The following DSCAM variants were observed in gnomAD, a reference collection of about 807,000 sequenced individuals.
DSCAM encodes DS cell adhesion molecule.
In DSCAM, 47 loss-of-function variants were observed where a neutral mutation model predicts 217.7. That is an observed-to-expected ratio of 0.22 (90% CI 0.17 to 0.28). The LOEUF (loss-of-function observed/expected upper bound fraction) is 0.28, where lower values mean the gene tolerates loss of function less well. Among genes scored for constraint, DSCAM ranks in the 10% least tolerant of loss-of-function variants. The pLI, the probability that DSCAM is intolerant of heterozygous loss-of-function variation, is 1.00. For synonymous variants in DSCAM, 1,056 were observed against 1,015.3 expected (o/e 1.04, Z -0.76); for missense variants, 2,080 against 2,618.3 (o/e 0.79, Z 4.49).
At chr21:40,410,772 T>C (rs541654868) in intron 3 of DSCAM, among the ~76,000 whole-genome samples, 1 of 127,296 alleles carries the variant, frequency 7.9e-6, no homozygotes, top group African/African-American at 2.6e-5. Context: ...AAAAAAAAAA[T>C]TCAAAAAAGT....
intron 27 of DSCAM, among the ~76,000 whole-genome samples, chr21:40,066,113 C>T (rs1030773896): frequency 6.6e-6 from 1 of 152,242 alleles, no homozygotes; most frequent in Non-Finnish European, 1.5e-5. Flanking sequence ...CTTCGGTTCC[C>T]TCCGCTTCCC....
intron 3 of DSCAM, among the ~76,000 whole-genome samples, chr21:40,610,377 A>C (rs1342641565): frequency 6.6e-6 from 1 of 152,214 alleles, no homozygotes; most frequent in African/African-American, 2.4e-5. Flanking sequence ...TAGAGAAATA[A>C]GGCAAACCAA....
intron 1 of DSCAM, among the ~76,000 whole-genome samples, chr21:40,727,413 A>G (rs1240899005): frequency 6.6e-6 from 1 of 152,198 alleles, no homozygotes; most frequent in East Asian, 1.9e-4. Context: ...AATAAGAGTC[A>G]CATAAGGTAT....
At chr21:40,117,511 T>G (rs1465321176) in intron 20 of DSCAM, among the ~76,000 whole-genome samples, 1 of 152,216 alleles carries the variant, frequency 6.6e-6, no homozygotes, top group Non-Finnish European at 1.5e-5. Context: ...TCAGTATCAC[T>G]GAGTGAAGAT....
At chr21:40,812,664 T>C (rs2091848873) in intron 1 of DSCAM, among the ~76,000 whole-genome samples, 1 of 152,304 alleles carries the variant, frequency 6.6e-6, no homozygotes, top group Middle Eastern at 3.4e-3. Context: ...ATTGAACATA[T>C]AGGTCTGAAG....
chr21:40,527,065 G>A (rs1055814414), intron 3 of DSCAM, among the ~76,000 whole-genome samples: 3 of 152,094 alleles, frequency 2.0e-5, no homozygotes, highest in Non-Finnish European at 4.4e-5. Flanking sequence ...TCTGGCCTCT[G>A]TGTCTCTTTA....
At chr21:40,783,915 A>G (rs941096466) in intron 1 of DSCAM, among the ~76,000 whole-genome samples, 3 of 152,142 alleles carry the variant, frequency 2.0e-5, no homozygotes, top group Admixed American at 1.3e-4. Context: ...AGACCTTTAA[A>G]AAATTGGAAA....
At chr21:40,249,399 A>T (rs2073271815) in intron 11 of DSCAM, among the ~76,000 whole-genome samples, 1 of 151,814 alleles carries the variant, frequency 6.6e-6, no homozygotes, top group Non-Finnish European at 1.5e-5. Flanking sequence ...CATCCTTCTC[A>T]TTTTCTCTTG....
At chr21:40,459,871 T>C (rs751443492) in intron 3 of DSCAM, among the ~76,000 whole-genome samples, 7 of 152,030 alleles carry the variant, frequency 4.6e-5, no homozygotes, top group Non-Finnish European at 7.4e-5. Context: ...GAATCAAGTA[T>C]GGATAAATGG....
chr21:40,391,065 A>G (rs1048201178), intron 3 of DSCAM, among the ~76,000 whole-genome samples: 2 of 152,092 alleles, frequency 1.3e-5, no homozygotes, highest in East Asian at 1.9e-4. Context: ...TTCAAGGTAT[A>G]TAACATTTCA....
At chr21:40,244,442 C>T (rs1394413557) in intron 11 of DSCAM, among the ~76,000 whole-genome samples, 1 of 147,500 alleles carries the variant, frequency 6.8e-6, no homozygotes, top group African/African-American at 2.5e-5. Flanking sequence ...CAGAATGAGA[C>T]TCCGTCTCCG....
chr21:40,747,709 C>T (rs537959621), intron 1 of DSCAM, among the ~76,000 whole-genome samples: 3 of 151,970 alleles, frequency 2.0e-5, no homozygotes, highest in Non-Finnish European at 4.4e-5. Flanking sequence ...CACTTCCAAA[C>T]TCATTCTATG....
intron 8 of DSCAM, among the ~76,000 whole-genome samples, chr21:40,324,516 C>G (rs1330334978): frequency 6.6e-6 from 1 of 152,108 alleles, no homozygotes; most frequent in Non-Finnish European, 1.5e-5. Flanking sequence ...CCATTTGAGT[C>G]TTCAATCATA....
At chr21:40,032,148 G>GC (rs1412209545) in intron 32 of DSCAM, among the ~76,000 whole-genome samples, 2 of 152,192 alleles carry the variant, frequency 1.3e-5, no homozygotes, top group African/African-American at 4.8e-5. Context: ...CAAGCCCCCA[G>GC]CTAGGGTTCT....
chr21:40,491,869 C>A (rs772191801), intron 3 of DSCAM, among the ~76,000 whole-genome samples: 11 of 152,196 alleles, frequency 7.2e-5, no homozygotes, highest in Non-Finnish European at 1.6e-4. Context: ...TGACTATTGC[C>A]AACCCCTATG....
chr21:40,283,502 G>A (rs2073789496), intron 10 of DSCAM, among the ~76,000 whole-genome samples: 1 of 152,204 alleles, frequency 6.6e-6, no homozygotes, highest in Non-Finnish European at 1.5e-5. Flanking sequence ...AGAGTATGGG[G>A]ACAGTGGAAA....
chr21:40,144,416 T>C lies in DSCAM; in HGVS notation c.3259+75A>G. ...GTCGTGGGGCGGGGGAGTGCGAGGT[T>C]GGGGGAGCCCCGGGGCAGACCCGAG... On this transcript the variant is annotated intron_variant, in intron 17 of 32. Coordinates refer to ENST00000400454, the MANE Select transcript of DSCAM (RefSeq NM_001389.5). The surrounding 1 kb of genome is among the most constrained non-coding windows in gnomAD (Gnocchi z 4.8). The C allele has an allele frequency of 2.5e-6, 4 of 1,582,968 alleles. No homozygotes were observed. The highest frequency in any genetic ancestry group is 3.4e-6 in the Non-Finnish European group (4 of 1,162,742).
At chr21:40,107,969 T>C (rs2146626740) in intron 20 of DSCAM, among the ~76,000 whole-genome samples, 1 of 152,302 alleles carries the variant, frequency 6.6e-6, no homozygotes, top group Non-Finnish European at 1.5e-5. Flanking sequence ...CATCCATTCA[T>C]GTTAAAAACT....
rs760768140 is a variant in DSCAM at position 40,353,740 on chromosome 21, G to C, written c.659C>G (p.Pro220Arg). 45 of 1,540,410 alleles carry C rather than the reference G, an allele frequency of 2.9e-5. No individual in the cohort carries two copies. The highest frequency in any genetic ancestry group is 3.8e-5 in the Non-Finnish European group (44 of 1,151,652). The change falls in exon 5 of 33, where the codon CCA becomes CGA. Residue 220 changes from proline to arginine, a missense_variant. Pro to Arg is a moderately radical substitution (Grantham distance 103). Transcript: ENST00000400454. ...SNSARLFVSD[P>R]ANSAPSILDG... Reference sequence around the variant, plus strand: ...CAGTATGGATGGGGCTGAGTTCGCTGGGTCTGTAGAAGAAATAAAAACTCT... The same window carrying C: ...CAGTATGGATGGGGCTGAGTTCGCTCGGTCTGTAGAAGAAATAAAAACTCT...
Sources: gnomAD v4.1 joint callset for allele counts (sites outside exome capture counted in the v4.1 genomes callset) on GRCh38, gnomAD v4.1.1 for gene constraint, Gnocchi (gnomAD v3.1) non-coding constraint, MANE v1.5 for transcripts, NCBI Gene and HGNC (gene_info 2026-07-23, HGNC 2026-07-21) for gene names.